Variants in CREBBP observed in about 807,000 individuals in gnomAD.
CREBBP encodes the protein CREB binding lysine acetyltransferase, also known as CREB-binding protein.
In CREBBP, 19 loss-of-function variants were observed where a neutral mutation model predicts 265.0. That is an observed-to-expected ratio of 0.07 (90% CI 0.05 to 0.11). CREBBP has a LOEUF of 0.11. Ranked by LOEUF, CREBBP falls within the 10% of genes least tolerant of loss-of-function variation. The pLI is 1.00. For missense variants in CREBBP, 2,525 were observed against 3,219.0 expected (o/e 0.78, Z 5.22); for synonymous variants, 1,457 against 1,223.7 (o/e 1.19, Z -3.98).
In CREBBP at chr16:3,727,708, T is replaced by G. The variant is rs780837684; in HGVS notation, c.*10A>C. On this transcript the variant is annotated 3_prime_UTR_variant, in exon 31 of 31. Transcript: ENST00000262367. Reference sequence around the variant, plus strand: ...GAACATGAAAGGGAAAAGGTGATGCTCTCACAATGCTACAAGCCCTCCACA... The same window carrying G: ...GAACATGAAAGGGAAAAGGTGATGCGCTCACAATGCTACAAGCCCTCCACA... 1 of 1,613,998 alleles carries G rather than the reference T, an allele frequency of 6.2e-7. No individual in the cohort carries two copies. The highest frequency in any genetic ancestry group is 8.5e-7 in the Non-Finnish European group (1 of 1,180,016).
rs768597025 is a variant in CREBBP at position 3,826,395 on chromosome 16, T to C, written c.799-15616A>G. ...AATATAAACCCCCTATCCTTAAACA[T>C]AGTGAGTCCTTCCAAAGAGGATGGC... On this transcript the variant is annotated intron_variant, in intron 2 of 30. Coordinates refer to ENST00000262367, the MANE Select transcript of CREBBP (RefSeq NM_004380.3). 6.6e-5 allele frequency among the ~76,000 whole-genome samples: 10 copies of C among 152,146 alleles called. No individual in the cohort carries two copies. In the South Asian group the frequency reaches 1.0e-3, roughly 16 times the overall value.
At chr16:3,869,668 T>G (rs1247260214) in intron 1 of CREBBP, among the ~76,000 whole-genome samples, 1 of 152,236 alleles carries the variant, frequency 6.6e-6, no homozygotes, top group Non-Finnish European at 1.5e-5. Context: ...CAGCCACACG[T>G]GGCTCGTGGT....
chr16:3,819,553 G>C (rs367921718), intron 2 of CREBBP, among the ~76,000 whole-genome samples: 4 of 152,146 alleles, frequency 2.6e-5, no homozygotes, highest in African/African-American at 9.7e-5. Context: ...GGGAGAGGCC[G>C]GCTGGGATTA....
intron 2 of CREBBP, 55 bp downstream of exon 2, chr16:3,850,242 G>A (rs970150927): frequency 7.6e-6 from 12 of 1,588,954 alleles, no homozygotes; most frequent in Middle Eastern, 1.7e-4. Flanking sequence ...CGCATTACTC[G>A]GAGGGAAAGC....
Position 3,759,588 on chromosome 16 carries a change from C to CAAAAAAAAA in CREBBP, c.3251-625_3251-617dup, listed in dbSNP as rs879293877. 8.5e-5 allele frequency among the ~76,000 whole-genome samples: 11 copies of CAAAAAAAAA among 129,460 alleles called. 1 individual carries two copies. The highest frequency in any genetic ancestry group is 4.0e-4 in the African/African-American group (11 of 27,234). 84.9% of individuals were successfully genotyped at this position (129,460 alleles called of 152,430 possible). ...GACAACAAGAGCAAAACTCTGTCTC[C>CAAAAAAAAA]AAAAAAAAAAGACCATTTCATTGGA... On this transcript the variant is annotated intron_variant, in intron 16 of 30. Transcript: ENST00000262367.
chr16:3,744,373 A>C (rs749297071), intron 23 of CREBBP, among the ~76,000 whole-genome samples: 7 of 152,252 alleles, frequency 4.6e-5, no homozygotes, highest in Admixed American at 6.5e-5. Flanking sequence ...GAGGGGTCTT[A>C]GGTCTAAACC....
intron 8 of CREBBP, among the ~76,000 whole-genome samples, chr16:3,779,150 G>C (rs989000647): frequency 1.3e-5 from 2 of 150,152 alleles, no homozygotes; most frequent in Non-Finnish European, 3.0e-5. Context: ...CTGGGCGACA[G>C]AGTCAGACTC....
intron 19 of CREBBP, among the ~76,000 whole-genome samples, chr16:3,755,441 TTCTC>T (rs915809864): frequency 1.1e-4 from 17 of 152,228 alleles, no homozygotes; most frequent in African/African-American, 3.4e-4. Context: ...ATATTAACCT[TTCTC>T]TGAAGATATC....
At chr16:3,741,125 C>T (rs904844008) in intron 23 of CREBBP, 40 of 168,766 alleles carry the variant, frequency 2.4e-4, no homozygotes, top group African/African-American at 9.1e-4. Flanking sequence ...TTGGCGAGGG[C>T]AGCCTTTCCT....
chr16:3,811,174 T>A (rs1450861220), intron 2 of CREBBP, among the ~76,000 whole-genome samples: 1 of 152,182 alleles, frequency 6.6e-6, no homozygotes, highest in African/African-American at 2.4e-5. Flanking sequence ...AGGTTCCCCA[T>A]CAGATTTGAA....
chr16:3,830,117 C>T (rs571536962), intron 2 of CREBBP, among the ~76,000 whole-genome samples: 1 of 152,288 alleles, frequency 6.6e-6, no homozygotes, highest in African/African-American at 2.4e-5. Flanking sequence ...TAAGAGTGGG[C>T]TGGGTGTGGT....
At chr16:3,830,217 T>C (rs2540035) in intron 2 of CREBBP, among the ~76,000 whole-genome samples, 152,041 of 152,096 alleles carry the variant, frequency 1, 75,993 homozygotes, top group Middle Eastern at 1. Context: ...GGAAACATGG[T>C]GAAACCCTGT....
intron 1 of CREBBP, among the ~76,000 whole-genome samples, chr16:3,851,783 A>G (rs1383250711): frequency 1.1e-4 from 14 of 129,838 alleles, no homozygotes; most frequent in African/African-American, 1.5e-4. Flanking sequence ...GAACCCGGGA[A>G]GCGGAGCTTG....
chr16:3,804,659 G>A (rs2053793276), intron 3 of CREBBP, among the ~76,000 whole-genome samples: 1 of 152,218 alleles, frequency 6.6e-6, no homozygotes, highest in Non-Finnish European at 1.5e-5. Flanking sequence ...TCTTCTAAAA[G>A]TCACTTCATT....
At chr16:3,871,317 C>G (rs1174265796) in intron 1 of CREBBP, among the ~76,000 whole-genome samples, 1 of 152,188 alleles carries the variant, frequency 6.6e-6, no homozygotes, top group Non-Finnish European at 1.5e-5. Flanking sequence ...ACAGTCTACT[C>G]TGAGCAGGAG....
rs1351901078 is a variant in CREBBP at position 3,728,233 on chromosome 16, C to G, written c.6814G>C (p.Gly2272Arg). The change falls in exon 31 of 31, where the codon GGC becomes CGC. Residue 2272 changes from glycine (G) to arginine (R), a missense_variant. Transcript: ENST00000262367. The surrounding 1 kb of genome is among the most constrained non-coding windows in gnomAD (Gnocchi z 8.7). ...CCCAGCCCCGGCTGCCCCATCTGGC[C>G]AAGCTGTCCCATCTGAGCCGCCATC... is the stretch of plus-strand genomic sequence containing the variant. Reference protein sequence around the residue: ...GQMAAQMGQLGQMGQPGLGAD... With the variant: ...GQMAAQMGQLRQMGQPGLGAD... 1 of 1,613,226 alleles carries G rather than the reference C, an allele frequency of 6.2e-7. No individual in the cohort carries two copies. Among genetic ancestry groups the G allele is most frequent in the Non-Finnish European group, 8.5e-7 (1 of 1,179,918 alleles).
intron 16 of CREBBP, chr16:3,767,420 C>A (rs966402381): frequency 1.2e-5 from 6 of 512,082 alleles, no homozygotes; most frequent in African/African-American, 5.7e-5. Flanking sequence ...TTAACCTGCT[C>A]AAGGACCCAG....
rs557277989 is a variant in CREBBP, at chr16:3,803,100, G to A, written c.975+7503C>T. 8.6e-5 allele frequency among the ~76,000 whole-genome samples: 13 copies of A among 151,940 alleles called. No individual in the cohort carries two copies. The East Asian group carries it at 1.4e-3, about 16-fold the overall frequency. The stretch of plus-strand genomic sequence containing the variant: ...ATAAACTGGTAAGAAACACAACATA[G>A]CTATTTTCATAGAGGAAATGTTTCT... On this transcript the variant is annotated intron_variant, in intron 3 of 30. Transcript: ENST00000262367.
intron 2 of CREBBP, among the ~76,000 whole-genome samples, chr16:3,841,566 A>G (rs778244070): frequency 3.7e-4 from 56 of 152,178 alleles, no homozygotes; most frequent in Non-Finnish European, 7.1e-4. Context: ...GCTTGAGCCC[A>G]GGAGTTCGAG....
Sources: allele counts gnomAD v4.1 joint callset (sites outside exome capture counted in the v4.1 genomes callset), GRCh38; gene constraint gnomAD v4.1.1; non-coding constraint Gnocchi (gnomAD v3.1); transcripts MANE v1.5; gene names NCBI Gene and HGNC (gene_info 2026-07-23, HGNC 2026-07-21).